The following PTPRK variants were observed in gnomAD, a reference collection of about 807,000 sequenced individuals.
PTPRK encodes the protein protein tyrosine phosphatase receptor type K.
Under a neutral mutation model 178.0 loss-of-function variants are expected in PTPRK, and 75 were observed. The ratio of observed to expected loss-of-function variants is 0.42; its 90% confidence interval spans 0.35 to 0.51. The LOEUF is 0.51. Among genes scored for constraint, PTPRK ranks in the 20% least tolerant of loss-of-function variants. The pLI, the probability that PTPRK is intolerant of heterozygous loss-of-function variation, is 0.02. For synonymous variants in PTPRK, 637 were observed against 620.6 expected, an observed-to-expected ratio of 1.03 and a Z score of -0.39; for missense variants, 1,441 against 1,797.8, an observed-to-expected ratio of 0.80 and a Z score of 3.59.
intron 13 of PTPRK, among the ~76,000 whole-genome samples, chr6:128,051,122 C>G (rs995927705): frequency 6.6e-6 from 1 of 152,100 alleles, no homozygotes; most frequent in African/African-American, 2.4e-5. Flanking sequence ...CAATTATTCC[C>G]TATTGTTTTA....
At chr6:128,095,343 C>T (rs1787737126) in intron 7 of PTPRK, among the ~76,000 whole-genome samples, 1 of 152,122 alleles carries the variant, frequency 6.6e-6, no homozygotes, top group African/African-American at 2.4e-5. Context: ...ATGTCACTTT[C>T]TCAGGTCATT....
chr6:128,444,136 C>A (rs902774928), intron 1 of PTPRK, among the ~76,000 whole-genome samples: 1 of 152,168 alleles, frequency 6.6e-6, no homozygotes, highest in Non-Finnish European at 1.5e-5. Flanking sequence ...CAGGTGTGAG[C>A]CAGCACTCCC....
rs78684859 is a variant in PTPRK, at chr6:128,222,972, C to T, written c.694-3876G>A. On this transcript the variant is annotated intron_variant, in intron 5 of 29. Coordinates refer to ENST00000368226, the MANE Select transcript of PTPRK (RefSeq NM_002844.4). ...CGCATTCCATCAGCTCATATATACTCTTCCCTTTCTACTCCTGCTGACAGG... is the reference window on the plus strand; with the variant it reads ...CGCATTCCATCAGCTCATATATACTTTTCCCTTTCTACTCCTGCTGACAGG... Among the ~76,000 whole-genome samples the T allele has an allele frequency of 4.0e-3, 613 of 152,268 alleles. 3 individuals carry two copies. The highest frequency in any genetic ancestry group is 0.014 in the African/African-American group (586 of 41,548).
At chr6:128,499,471 A>T (rs903491818) in intron 1 of PTPRK, among the ~76,000 whole-genome samples, 3 of 152,272 alleles carry the variant, frequency 2.0e-5, no homozygotes, top group African/African-American at 7.2e-5. Context: ...TCCAGAAATT[A>T]TACACGAATT....
rs535534015 is a variant in PTPRK, at chr6:128,220,317, T to C, written c.694-1221A>G. 6.6e-5 allele frequency among the ~76,000 whole-genome samples: 10 copies of C among 152,218 alleles called. No individual in the cohort carries two copies. In the South Asian group the frequency reaches 1.9e-3, roughly 28 times the overall value. On this transcript the variant is annotated intron_variant, in intron 5 of 29. Coordinates refer to ENST00000368226, the MANE Select transcript of PTPRK (RefSeq NM_002844.4). ...TGAATAGGGTATAAAAAAGAGAAAGTGTATGTCTAACAACCATGAAATGAG... is the reference window on the plus strand; with the variant it reads ...TGAATAGGGTATAAAAAAGAGAAAGCGTATGTCTAACAACCATGAAATGAG...
At chr6:128,004,249 C>G (rs932636142) in intron 15 of PTPRK, among the ~76,000 whole-genome samples, 1 of 151,734 alleles carries the variant, frequency 6.6e-6, no homozygotes, top group African/African-American at 2.4e-5. Flanking sequence ...ATTTGCCTGC[C>G]TCAAGCATCA....
At chr6:128,420,450 A>G (rs555333323) in intron 1 of PTPRK, among the ~76,000 whole-genome samples, 1 of 152,318 alleles carries the variant, frequency 6.6e-6, no homozygotes, top group Admixed American at 6.5e-5. Flanking sequence ...TAAATGTTTA[A>G]TTACTACCCA....
intron 2 of PTPRK, among the ~76,000 whole-genome samples, chr6:128,381,285 C>T (rs1401869233): frequency 6.6e-6 from 1 of 152,112 alleles, no homozygotes; most frequent in Admixed American, 6.6e-5. Flanking sequence ...AAATAATAAA[C>T]CTTTTCCCAA....
chr6:128,160,923 A>G (rs1159499769), intron 7 of PTPRK, among the ~76,000 whole-genome samples: 6 of 151,658 alleles, frequency 4.0e-5, no homozygotes, highest in Admixed American at 1.3e-4. Flanking sequence ...AAGATATTGA[A>G]TGGAACTGTA....
In PTPRK at chr6:128,206,406, TAA is replaced by T. The variant is rs60030807; in HGVS notation, c.868+12514_868+12515del. ...GCTGCTAATAATAAAGGGTGTTCAT[TAA>T]AAAAAAAAAAAAAAAAAATCAGAGT... On this transcript the variant is annotated intron_variant, in intron 6 of 29. Transcript: ENST00000368226. Among the ~76,000 whole-genome samples, 485 of 120,514 alleles carry T rather than the reference TAA, an allele frequency of 4.0e-3. 1 individual carries two copies. The highest frequency in any genetic ancestry group is 0.013 in the African/African-American group (431 of 32,196). The allele number at this position is 120,514 out of a possible 152,430, so 79.1% of individuals were successfully genotyped here. A position where few individuals can be genotyped will look rare whatever the true frequency, so the allele number is the denominator to read the frequency against.
intron 13 of PTPRK, among the ~76,000 whole-genome samples, chr6:128,055,486 G>A (rs1468459080): frequency 2.6e-5 from 4 of 152,066 alleles, no homozygotes; most frequent in Non-Finnish European, 5.9e-5. Context: ...TTCCTTAGCA[G>A]TGTCCTTTTT....
intron 2 of PTPRK, among the ~76,000 whole-genome samples, chr6:128,389,413 G>GTT (rs11443907): frequency 2.7e-3 from 395 of 144,438 alleles, no homozygotes; most frequent in African/African-American, 3.4e-3. Context: ...GTTTTTTTTT[G>GTT]TTTTTTTTGT....
chr6:128,093,689 T>G (rs2115035262), intron 7 of PTPRK, among the ~76,000 whole-genome samples: 1 of 144,192 alleles, frequency 6.9e-6, no homozygotes, highest in South Asian at 2.2e-4. Context: ...AGTAATCGAG[T>G]GATCTTCATG....
chr6:128,324,127 G>A (rs768908098), intron 2 of PTPRK, among the ~76,000 whole-genome samples: 2 of 152,050 alleles, frequency 1.3e-5, no homozygotes, highest in Non-Finnish European at 2.9e-5. Flanking sequence ...TTGTTACTGG[G>A]CCTCAGCATC....
At chr6:128,143,177 A>G (rs769469401) in intron 7 of PTPRK, among the ~76,000 whole-genome samples, 13 of 152,070 alleles carry the variant, frequency 8.5e-5, no homozygotes, top group Non-Finnish European at 1.9e-4. Context: ...CAAAAGATTG[A>G]CATTGAACTA....
intron 5 of PTPRK, among the ~76,000 whole-genome samples, chr6:128,234,020 T>A (rs747229510): frequency 5.3e-5 from 8 of 152,172 alleles, no homozygotes; most frequent in Non-Finnish European, 1.2e-4. Context: ...CTCTATTTGA[T>A]TTACCCTGTA....
intron 3 of PTPRK, among the ~76,000 whole-genome samples, chr6:128,262,622 T>A (rs1818337901): frequency 6.6e-6 from 1 of 152,118 alleles, no homozygotes; most frequent in Admixed American, 6.6e-5. Context: ...ACAGACACTG[T>A]CTCCAAAACC....
chr6:128,337,546 G>T (rs954316032), intron 2 of PTPRK, among the ~76,000 whole-genome samples: 3 of 152,118 alleles, frequency 2.0e-5, no homozygotes, highest in African/African-American at 7.2e-5. Context: ...CTATCAAAGT[G>T]AACAAGAAGT....
In PTPRK at chr6:128,222,708, T is replaced by C. The variant is rs548887502; in HGVS notation, c.694-3612A>G. The stretch of plus-strand genomic sequence containing the variant: ...GGAGTCATTTCAAAGAGACATTCTC[T>C]AGCCTGAAAGGGCTCCAGATTCTTT... On this transcript the variant is annotated intron_variant, in intron 5 of 29. Coordinates refer to ENST00000368226, the MANE Select transcript of PTPRK (RefSeq NM_002844.4). Among the ~76,000 whole-genome samples, 4 of 152,354 alleles carry C rather than the reference T, an allele frequency of 2.6e-5. No homozygotes were observed. The South Asian group carries it at 8.3e-4, about 32-fold the overall frequency.
Sources: allele counts gnomAD v4.1 joint callset (sites outside exome capture counted in the v4.1 genomes callset), GRCh38; gene constraint gnomAD v4.1.1; transcripts MANE v1.5; gene names NCBI Gene and HGNC (gene_info 2026-07-23, HGNC 2026-07-21).